SAMD5: variants seen among roughly 807,000 people sequenced by gnomAD.
The protein encoded by SAMD5 is sterile alpha motif domain-containing protein 5.
SAMD5 carries 13 observed loss-of-function variants against 11.3 expected under a neutral mutation model. The observed-to-expected ratio is 1.15, with a 90% CI of 0.75 to 1.83. The LOEUF is 1.83. Among genes scored for constraint, SAMD5 ranks in the 40% most tolerant of loss-of-function variants. SAMD5 has a pLI of 0.00. For missense variants in SAMD5, 255 were observed against 239.1 expected (o/e 1.07, Z -0.44); for synonymous variants, 129 against 111.3 (o/e 1.16, Z -1.00).
intron 1 of SAMD5, among the ~76,000 whole-genome samples, chr6:147,517,163 T>C (rs1788183609): frequency 6.6e-6 from 1 of 152,186 alleles, no homozygotes; most frequent in African/African-American, 2.4e-5. Flanking sequence ...ATGTCATCAA[T>C]GTAATGGACA....
chr6:147,637,976 G>A (rs1790255106), intron 1 of SAMD5, among the ~76,000 whole-genome samples: 1 of 151,004 alleles, frequency 6.6e-6, no homozygotes, highest in African/African-American at 2.4e-5. Flanking sequence ...AGAAACTAAT[G>A]AAAATTAGAG....
At chr6:147,606,116 C>T (rs943500361) in intron 1 of SAMD5, among the ~76,000 whole-genome samples, 7 of 152,148 alleles carry the variant, frequency 4.6e-5, no homozygotes, top group Admixed American at 2.6e-4. Context: ...TTTTATCTTC[C>T]GGCTGTTTAC....
chr6:147,772,164 C>T, the SAMD5 span, among the ~76,000 whole-genome samples: 1 of 152,110 alleles, frequency 6.6e-6, no homozygotes, highest in East Asian at 1.9e-4. Flanking sequence ...CAATTTGCAT[C>T]GAAATGTCAA....
chr6:147,852,236 G>A, the SAMD5 span, among the ~76,000 whole-genome samples: 1 of 151,906 alleles, frequency 6.6e-6, no homozygotes, highest in Non-Finnish European at 1.5e-5. Context: ...AAATACAGCT[G>A]TATTTATGTA....
the SAMD5 span, among the ~76,000 whole-genome samples, chr6:147,794,673 A>G: frequency 6.6e-6 from 1 of 152,240 alleles, no homozygotes. Flanking sequence ...TCGAGTTCAT[A>G]TGATATGATC....
the SAMD5 span, among the ~76,000 whole-genome samples, chr6:147,867,384 G>A: frequency 1.3e-5 from 2 of 149,562 alleles, no homozygotes; most frequent in Non-Finnish European, 3.0e-5. Flanking sequence ...CGGACTTGGT[G>A]AAAAATCAGA....
At chr6:147,762,012 CTTT>C in the SAMD5 span, among the ~76,000 whole-genome samples, 2 of 151,938 alleles carry the variant, frequency 1.3e-5, no homozygotes, top group Non-Finnish European at 2.9e-5. Flanking sequence ...CACGCCTGGC[CTTT>C]TTTTACATTT....
the SAMD5 span, among the ~76,000 whole-genome samples, chr6:147,871,576 T>C: frequency 7.9e-5 from 12 of 152,292 alleles, no homozygotes; most frequent in South Asian, 2.5e-3. Context: ...GAAATTTTAT[T>C]TGTCCTTCTC....
At chr6:147,592,021 T>C (rs1789462017) in intron 1 of SAMD5, among the ~76,000 whole-genome samples, 2 of 152,116 alleles carry the variant, frequency 1.3e-5, no homozygotes, top group Admixed American at 6.5e-5. Context: ...TGGAAAGTAG[T>C]AGAGAATTTT....
At chr6:147,847,371 C>T in the SAMD5 span, among the ~76,000 whole-genome samples, 1 of 152,254 alleles carries the variant, frequency 6.6e-6, no homozygotes, top group East Asian at 1.9e-4. Flanking sequence ...CAGATTTATT[C>T]TAAGATTTTA....
chr6:147,941,840 G>C, the SAMD5 span, among the ~76,000 whole-genome samples: 1 of 142,058 alleles, frequency 7.0e-6, no homozygotes, highest in Non-Finnish European at 1.5e-5. Flanking sequence ...AATTGTGTGT[G>C]TGTGTGAAGT....
intron 1 of SAMD5, among the ~76,000 whole-genome samples, chr6:147,523,630 A>T (rs944017419): frequency 3.9e-5 from 6 of 152,220 alleles, no homozygotes; most frequent in African/African-American, 1.4e-4. Context: ...CAGTATTTTC[A>T]TGGCCAGAAA....
In SAMD5 at chr6:147,528,937, A is replaced by G. The variant is rs1033758714; in HGVS notation, c.459+19550A>G. On this transcript the variant is annotated intron_variant, in intron 1 of 1. Transcript: ENST00000367474. ...AATAAATCTCAGACTCCCAATTCAC[A>G]TGGTCCTGACTCCATCACTTTTGAC... is the stretch of plus-strand genomic sequence containing the variant. Among the ~76,000 whole-genome samples, 10 of 152,308 alleles carry G rather than the reference A, an allele frequency of 6.6e-5. No homozygotes were observed. The East Asian group carries it at 1.9e-3, about 29-fold the overall frequency.
At chr6:147,631,458 C>T (rs560974410) in intron 1 of SAMD5, among the ~76,000 whole-genome samples, 143 of 152,142 alleles carry the variant, frequency 9.4e-4, no homozygotes, top group Non-Finnish European at 1.6e-3. Context: ...ACTGTTAGTT[C>T]GTTCCACCTT....
the SAMD5 span, among the ~76,000 whole-genome samples, chr6:147,888,931 A>G: frequency 6.6e-6 from 1 of 152,026 alleles, no homozygotes; most frequent in Non-Finnish European, 1.5e-5. Context: ...CTTTCAAGCA[A>G]TTTGATTATG....
chr6:147,646,511 A>C (rs1476145119), intron 1 of SAMD5, among the ~76,000 whole-genome samples: 1 of 152,204 alleles, frequency 6.6e-6, no homozygotes, highest in Non-Finnish European at 1.5e-5. Context: ...TTGATACAGT[A>C]CTTGTGTACT....
chr6:147,619,722 T>C (rs1026215845), intron 1 of SAMD5, among the ~76,000 whole-genome samples: 1 of 152,212 alleles, frequency 6.6e-6, no homozygotes, highest in Admixed American at 6.5e-5. Context: ...CAGATAACTG[T>C]TGGCTGCAAG....
chr6:147,750,514 T>C, the SAMD5 span, among the ~76,000 whole-genome samples: 1 of 152,234 alleles, frequency 6.6e-6, no homozygotes, highest in Non-Finnish European at 1.5e-5. Flanking sequence ...AATGCAAGGA[T>C]CCGTTGCTTC....
chr6:147,729,887 C>G, intron 1 of SAMD5: 1 of 451,692 alleles, frequency 2.2e-6, no homozygotes, highest in Non-Finnish European at 4.4e-6. Context: ...GAGTTCAAGA[C>G]CCACCTGGCC....
Sources: allele counts gnomAD v4.1 joint callset (sites outside exome capture counted in the v4.1 genomes callset), GRCh38; gene constraint gnomAD v4.1.1; transcripts MANE v1.5; gene names NCBI Gene and HGNC (gene_info 2026-07-23, HGNC 2026-07-21).